MRPL50: variants seen among roughly 807,000 people sequenced by gnomAD.
MRPL50 encodes the protein large ribosomal subunit protein mL50.
A neutral mutation model predicts 16.2 loss-of-function variants in MRPL50; 10 were observed. The observed-to-expected ratio is 0.62, with a 90% CI of 0.38 to 1.05. MRPL50 has a LOEUF of 1.05. MRPL50 is among the 50% of genes least tolerant of loss of function. The pLI, the probability that MRPL50 is intolerant of heterozygous loss-of-function variation, is 0.01. For missense variants in MRPL50, 213 were observed against 187.1 expected, an observed-to-expected ratio of 1.14 and a Z score of -0.81; for synonymous variants, 68 against 66.8, an observed-to-expected ratio of 1.02 and a Z score of -0.09.
rs767635494 is a variant in MRPL50 at position 101,390,787 on chromosome 9, A to G, written c.156T>C (p.Cys52=). Residue 52 remains cysteine (C), a synonymous_variant, in exon 2 of 2, where the codon TGT becomes TGC. Coordinates refer to ENST00000374865, the MANE Select transcript of MRPL50 (RefSeq NM_019051.3). The part of the protein sequence containing the change: ...VEEKKEPILV[C]PPLRSRAYTP... ...TGTATGCTCGGCTTCGTAAAGGTGG[A>G]CACACTAGGATAGGTTCCTTTTTCT... The G allele has an allele frequency of 2.5e-6, 4 of 1,613,564 alleles. No homozygotes were observed. The highest frequency in any genetic ancestry group is 1.7e-5 in the Admixed American group (1 of 59,978).
chr9:101,395,614 G>C (rs1194939213), intron 1 of MRPL50, among the ~76,000 whole-genome samples: 2 of 151,898 alleles, frequency 1.3e-5, no homozygotes, highest in Non-Finnish European at 2.9e-5. Flanking sequence ...GTCATTTGCA[G>C]TAACATGGAT....
At chr9:101,391,421 A>G (rs1830268908) in intron 1 of MRPL50, among the ~76,000 whole-genome samples, 1 of 152,122 alleles carries the variant, frequency 6.6e-6, no homozygotes, top group African/African-American at 2.4e-5. Context: ...TACTGCTCTC[A>G]GAGTGTATCA....
At chr9:101,397,008 G>A (rs771321064) in intron 1 of MRPL50, among the ~76,000 whole-genome samples, 25 of 152,186 alleles carry the variant, frequency 1.6e-4, no homozygotes, top group Middle Eastern at 3.4e-3. Flanking sequence ...CAGGGGTGGC[G>A]GAAATGAAGA....
At chr9:101,394,809 A>G (rs573063106) in intron 1 of MRPL50, among the ~76,000 whole-genome samples, 1 of 152,068 alleles carries the variant, frequency 6.6e-6, no homozygotes, top group Non-Finnish European at 1.5e-5. Flanking sequence ...GGATTATACT[A>G]AACTAAAAAG....
At position 101,390,231 on chromosome 9, in the gene MRPL50, A is replaced by T; in HGVS notation, c.*235T>A. The stretch of plus-strand genomic sequence containing the variant: ...CAGTGCCCTCTCAAAACTTTTCATA[A>T]ATAATGACCTAATTTCATTTAAAAA... On this transcript the variant is annotated 3_prime_UTR_variant, in exon 2 of 2. Coordinates refer to ENST00000374865, the MANE Select transcript of MRPL50 (RefSeq NM_019051.3). 2 of 1,218,298 alleles carry T rather than the reference A, an allele frequency of 1.6e-6. No individual in the cohort carries two copies. The highest frequency in any genetic ancestry group is 2.0e-6 in the Non-Finnish European group (2 of 976,694). 75.5% of individuals were successfully genotyped at this position (1,218,298 alleles called of 1,614,324 possible). A position where few individuals can be genotyped will look rare whatever the true frequency, so the allele number is the denominator to read the frequency against.
At chr9:101,395,837 G>C (rs1326626080) in intron 1 of MRPL50, among the ~76,000 whole-genome samples, 6 of 132,248 alleles carry the variant, frequency 4.5e-5, no homozygotes, top group African/African-American at 1.5e-4. Flanking sequence ...TACAGTTAGA[G>C]AAGAGGACTA....
In MRPL50 at chr9:101,390,200, A is replaced by C. The variant is rs1830250988; in HGVS notation, c.*266T>G. 1.7e-6 allele frequency: 2 copies of C among 1,167,016 alleles called. No homozygotes were observed. Among genetic ancestry groups the C allele is most frequent in the Non-Finnish European group, 2.1e-6 (2 of 944,344 alleles). The allele number at this position is 1,167,016 out of a possible 1,614,324, so 72.3% of individuals were successfully genotyped here. The stretch of plus-strand genomic sequence containing the variant: ...GCAATGTCCTCCTGTCTTAAACCCA[A>C]GTTGACAGTGCCCTCTCAAAACTTT... On this transcript the variant is annotated 3_prime_UTR_variant, in exon 2 of 2. Transcript: ENST00000374865.
At position 101,390,642 on chromosome 9, in the gene MRPL50, GA is replaced by G; in HGVS notation, c.300del (p.Leu101TrpfsTer4). 6.2e-7 allele frequency: 1 copy of G among 1,607,472 alleles called. No individual in the cohort carries two copies. The highest frequency in any genetic ancestry group is 8.5e-7 in the Non-Finnish European group (1 of 1,175,910). ...CCCAAGTCATCAGCTAAATGAGCCAGAAGATTGAACTTTAGACGACTATCTT... is the reference window on the plus strand; with the variant it reads ...CCCAAGTCATCAGCTAAATGAGCCAGAGATTGAACTTTAGACGACTATCTT... ...SLEDSRLKFN[L>X]LAHLADDLGH... On this transcript the variant is annotated frameshift_variant, in exon 2 of 2. Transcript: ENST00000374865. LOFTEE classifies it high-confidence loss of function.
intron 1 of MRPL50, 44 bp from the exon 2 acceptor site, chr9:101,390,894 G>T: frequency 6.5e-7 from 1 of 1,536,846 alleles, no homozygotes; most frequent in South Asian, 1.3e-5. Flanking sequence ...TAATGAAGTT[G>T]ACAAACACCA....
Position 101,390,655 on chromosome 9 carries a change from T to C in MRPL50, c.288A>G (p.Leu96=), listed in dbSNP as rs1588148431. The C allele has an allele frequency of 8.1e-6, 13 of 1,613,470 alleles. No homozygotes were observed. The East Asian group carries it at 1.1e-4, about 14-fold the overall frequency. ...WQDISLEDSR[L]KFNLLAHLAD... is the part of the protein sequence containing the mutation. ...CTAAATGAGCCAGAAGATTGAACTT[T>C]AGACGACTATCTTCCAGGGAGATGT... is the stretch of plus-strand genomic sequence containing the variant. The change falls in exon 2 of 2, where the codon CTA becomes CTG. Residue 96 remains leucine, a synonymous_variant. Transcript: ENST00000374865.
intron 1 of MRPL50, among the ~76,000 whole-genome samples, chr9:101,396,398 T>G (rs1025341543): frequency 1.3e-5 from 2 of 152,170 alleles, no homozygotes; most frequent in Admixed American, 6.5e-5. Flanking sequence ...AATGTATACA[T>G]GTATACACAC....
Position 101,390,659 on chromosome 9 carries a change from C to G in MRPL50, c.284G>C (p.Arg95Pro), listed in dbSNP as rs199687075. Residue 95 changes from arginine (R) to proline (P), a missense_variant, in exon 2 of 2, where the codon CGT becomes CCT. Transcript: ENST00000374865. ...ATGAGCCAGAAGATTGAACTTTAGA[C>G]GACTATCTTCCAGGGAGATGTCTTG... The part of the protein sequence containing the change: ...NWQDISLEDS[R>P]LKFNLLAHLA... 41 of 1,613,336 alleles carry G rather than the reference C, an allele frequency of 2.5e-5. No individual in the cohort carries two copies. Among genetic ancestry groups the G allele is most frequent in the Non-Finnish European group, 3.3e-5 (39 of 1,179,554 alleles).
chr9:101,396,802 C>T (rs758143566), intron 1 of MRPL50, among the ~76,000 whole-genome samples: 4 of 151,846 alleles, frequency 2.6e-5, no homozygotes, highest in East Asian at 1.9e-4. Context: ...ATTAGCCGGG[C>T]GTGGTGGCGG....
In MRPL50 at chr9:101,393,990, C is replaced by CAAAAAAAAAAAAAAAA. The variant is rs76598460; in HGVS notation, c.93-3156_93-3141dup. Among the ~76,000 whole-genome samples the CAAAAAAAAAAAAAAAA allele has an allele frequency of 3.9e-4, 26 of 66,410 alleles. 1 individual carries two copies. Among genetic ancestry groups the CAAAAAAAAAAAAAAAA allele is most frequent in the Non-Finnish European group, 7.4e-4 (23 of 31,246 alleles). 43.6% of individuals were successfully genotyped at this position (66,410 alleles called of 152,430 possible). A position where few individuals can be genotyped will look rare whatever the true frequency, so the allele number is the denominator to read the frequency against. On this transcript the variant is annotated intron_variant, in intron 1 of 1. Coordinates refer to ENST00000374865, the MANE Select transcript of MRPL50 (RefSeq NM_019051.3). The stretch of plus-strand genomic sequence containing the variant: ...CTTGAATAGCCAAAGTAATGCTAAG[C>CAAAAAAAAAAAAAAAA]AAAAAAAAAAAAAAAAAAAAAAGAC...
In MRPL50 at chr9:101,389,223, T is replaced by G. The variant is rs1238376783; in HGVS notation, c.*1243A>C. On this transcript the variant is annotated 3_prime_UTR_variant, in exon 2 of 2. Coordinates refer to ENST00000374865, the MANE Select transcript of MRPL50 (RefSeq NM_019051.3). The stretch of plus-strand genomic sequence containing the variant: ...TATATGGGAGGATGTGCATACATAA[T>G]ATGCAAATACTACATCATTTTATAA... The G allele has an allele frequency of 4.7e-6, 1 of 214,076 alleles. No homozygotes were observed. Among genetic ancestry groups the G allele is most frequent in the Non-Finnish European group, 9.6e-6 (1 of 103,984 alleles). The allele number at this position is 214,076 out of a possible 1,614,324, so 13.3% of individuals were successfully genotyped here.
chr9:101,393,908 C>T (rs371999902), intron 1 of MRPL50, among the ~76,000 whole-genome samples: 14 of 146,208 alleles, frequency 9.6e-5, no homozygotes, highest in African/African-American at 3.0e-4. Context: ...ATACCAATGA[C>T]GTTCTTCACA....
chr9:101,393,990 C>CAAAAAAAAAAAAAAAAAA (rs76598460), intron 1 of MRPL50, among the ~76,000 whole-genome samples: 1 of 66,480 alleles, frequency 1.5e-5, no homozygotes, highest in Non-Finnish European at 3.2e-5. Flanking sequence ...TAATGCTAAG[C>CAAAAAAAAAAAAAAAAAA]AAAAAAAAAA....
chr9:101,393,218 G>A (rs1830295465), intron 1 of MRPL50, among the ~76,000 whole-genome samples: 1 of 151,874 alleles, frequency 6.6e-6, no homozygotes, highest in Admixed American at 6.6e-5. Context: ...CATAATAAAG[G>A]TCATGCATGA....
chr9:101,396,537 C>G lies in MRPL50; in HGVS notation c.92+1964G>C, dbSNP rs1186201994. Among the ~76,000 whole-genome samples the G allele has an allele frequency of 2.0e-5, 3 of 152,046 alleles. No individual in the cohort carries two copies. The East Asian group carries it at 5.8e-4, about 29-fold the overall frequency. ...CACACACAAAAAATGGCATTTTATTCAGCCTTAAAAAAGGATATTTGTAAC... is the reference window on the plus strand; with the variant it reads ...CACACACAAAAAATGGCATTTTATTGAGCCTTAAAAAAGGATATTTGTAAC... On this transcript the variant is annotated intron_variant, in intron 1 of 1. Transcript: ENST00000374865.
Sources: allele counts gnomAD v4.1 joint callset (sites outside exome capture counted in the v4.1 genomes callset), GRCh38; gene constraint gnomAD v4.1.1; transcripts MANE v1.5; gene names NCBI Gene and HGNC (gene_info 2026-07-23, HGNC 2026-07-21).